SYBU: variants seen among roughly 807,000 people sequenced by gnomAD.
SYBU encodes the protein syntabulin, also known as GOLSYN A protein.
SYBU carries 21 observed loss-of-function variants against 35.9 expected under a neutral mutation model. That is an observed-to-expected ratio of 0.58 (90% CI 0.41 to 0.84). The LOEUF (loss-of-function observed/expected upper bound fraction) is 0.84. Among genes scored for constraint, SYBU ranks in the 40% least tolerant of loss-of-function variants. SYBU has a pLI of 0.00. For synonymous variants in SYBU, 319 were observed against 324.3 expected (o/e 0.98, Z 0.18); for missense variants, 768 against 848.2 (o/e 0.91, Z 1.17).
intron 1 of SYBU, among the ~76,000 whole-genome samples, chr8:109,677,110 G>C (rs1355305731): frequency 1.3e-5 from 2 of 152,026 alleles, no homozygotes; most frequent in African/African-American, 4.8e-5. Flanking sequence ...TTGTTGGATA[G>C]AGGCGAGTGT....
At position 109,691,451 on chromosome 8, in the gene SYBU, G is replaced by A. The variant is rs976399327; in HGVS notation, c.-176C>T. On this transcript the variant is annotated 5_prime_UTR_variant, in exon 1 of 8. Coordinates refer to the SYBU transcript ENST00000422135. This position sits in a 1 kb window ranked among gnomAD's most constrained non-coding sequence, Gnocchi z 4.7. Reference sequence around the variant, plus strand: ...GCGGACGGGACCCCGCGTCGCTGCTGGTTTGCGCTCAGGCCCGGGGAGCCG... The same window carrying A: ...GCGGACGGGACCCCGCGTCGCTGCTAGTTTGCGCTCAGGCCCGGGGAGCCG... 3.1e-6 allele frequency: 2 copies of A among 643,746 alleles called. No individual in the cohort carries two copies. Among genetic ancestry groups the A allele is most frequent in the Non-Finnish European group, 5.5e-6 (2 of 361,474 alleles). The allele number at this position is 643,746 out of a possible 1,614,324, so 39.9% of individuals were successfully genotyped here.
intron 4 of SYBU, chr8:109,580,468 T>C (rs1004650432): frequency 3.1e-5 from 5 of 163,898 alleles, no homozygotes; most frequent in African/African-American, 9.6e-5. Flanking sequence ...TGGTACCCCA[T>C]ACAGGAGGAG....
chr8:109,577,793 T>A lies in SYBU; in HGVS notation c.884+75A>T, dbSNP rs114725584. 1.5e-3 allele frequency: 2,157 copies of A among 1,407,850 alleles called. 28 individuals carry two copies. The African/African-American group carries it at 0.027, about 18-fold the overall frequency. The allele number at this position is 1,407,850 out of a possible 1,614,324, so 87.2% of individuals were successfully genotyped here. On this transcript the variant is annotated intron_variant, in intron 6 of 6. Transcript: ENST00000276646. ...TCATTTTTTCTTTTCTATCTTTCTA[T>A]AGTTTGGGTTCATATTTCATTTTAT...
At chr8:109,687,701 T>C (rs555846917) in intron 1 of SYBU, among the ~76,000 whole-genome samples, 1 of 152,314 alleles carries the variant, frequency 6.6e-6, no homozygotes, top group South Asian at 2.1e-4. Context: ...TTTTTTCTCT[T>C]ATTACAGATA....
intron 1 of SYBU, among the ~76,000 whole-genome samples, chr8:109,688,658 T>A (rs1233288076): frequency 6.6e-6 from 1 of 151,798 alleles, no homozygotes; most frequent in Non-Finnish European, 1.5e-5. Context: ...TTCTATCCTA[T>A]CCCGTCTATC....
intron 2 of SYBU, among the ~76,000 whole-genome samples, chr8:109,641,565 A>G (rs192794560): frequency 3.5e-4 from 54 of 152,366 alleles, no homozygotes; most frequent in Non-Finnish European, 1.0e-4. Context: ...CAGATCACAA[A>G]GCCTGGGCTC....
intron 1 of SYBU, among the ~76,000 whole-genome samples, chr8:109,662,873 T>C (rs1208161774): frequency 6.6e-6 from 1 of 152,180 alleles, no homozygotes; most frequent in Non-Finnish European, 1.5e-5. Flanking sequence ...AACCAGATCA[T>C]GAACCTGAAG....
chr8:109,586,473 G>A (rs1037847320), intron 3 of SYBU: 15 of 289,532 alleles, frequency 5.2e-5, no homozygotes, highest in African/African-American at 3.2e-4. Context: ...CGTATGTGAG[G>A]CTCTCACTCC....
intron 1 of SYBU, among the ~76,000 whole-genome samples, chr8:109,655,881 G>A (rs777718637): frequency 3.3e-5 from 5 of 152,154 alleles, no homozygotes; most frequent in African/African-American, 9.7e-5. Context: ...TTGGGAGGCC[G>A]AGGTGGGCAG....
At chr8:109,598,818 G>A (rs543237786) in intron 3 of SYBU, among the ~76,000 whole-genome samples, 52 of 152,356 alleles carry the variant, frequency 3.4e-4, no homozygotes, top group Non-Finnish European at 6.9e-4. Flanking sequence ...CCTGTTCAAA[G>A]TGCCTTACAG....
chr8:109,645,784 CG>C (rs1815632932), upstream of SYBU: 1 of 173,394 alleles, frequency 5.8e-6, no homozygotes, highest in African/African-American at 2.4e-5. Flanking sequence ...GAATTACATG[CG>C]GATGCCATTG....
chr8:109,623,621 A>G (rs905481445), intron 2 of SYBU, among the ~76,000 whole-genome samples: 3 of 152,216 alleles, frequency 2.0e-5, no homozygotes, highest in Admixed American at 1.3e-4. Flanking sequence ...TTAAAAATCT[A>G]TATTTCCTCT....
At chr8:109,648,581 A>C (rs1231991555), upstream of SYBU, 3 of 152,100 alleles carry the variant, frequency 2.0e-5, no homozygotes, top group Non-Finnish European at 1.5e-5. Context: ...CTAGACTGCA[A>C]ACTTCACAGA....
intron 3 of SYBU, among the ~76,000 whole-genome samples, chr8:109,594,410 A>G (rs1824627642): frequency 6.6e-6 from 1 of 152,196 alleles, no homozygotes; most frequent in Admixed American, 6.5e-5. Flanking sequence ...TTGCAATTCT[A>G]GACCACAAAT....
intron 4 of SYBU, among the ~76,000 whole-genome samples, chr8:109,582,599 C>G (rs1027128742): frequency 6.6e-6 from 1 of 152,144 alleles, no homozygotes; most frequent in African/African-American, 2.4e-5. Flanking sequence ...ATGAGTGACT[C>G]AGGTGAATTT....
intron 1 of SYBU, among the ~76,000 whole-genome samples, chr8:109,673,198 C>T (rs539497483): frequency 2.0e-5 from 3 of 152,290 alleles, no homozygotes; most frequent in Non-Finnish European, 2.9e-5. Flanking sequence ...GACAGACTGC[C>T]TCCTCAAGTG....
chr8:109,642,933 C>T lies in SYBU; in HGVS notation c.25-1G>A. 2 of 1,474,824 alleles carry T rather than the reference C, an allele frequency of 1.4e-6. No individual in the cohort carries two copies. The highest frequency in any genetic ancestry group is 1.8e-6 in the Non-Finnish European group (2 of 1,107,586). 91.4% of individuals were successfully genotyped at this position (1,474,824 alleles called of 1,614,324 possible). ...CATGATGCTGCACTCTGTGCTCCTT[C>T]TCAAAATTGGACATCAAAAAAGAAA... On this transcript the variant is annotated splice_acceptor_variant, in intron 1 of 6. Transcript: ENST00000276646. LOFTEE classifies it high-confidence loss of function.
rs73700657 is a variant in SYBU at position 109,582,263 on chromosome 8, G to C, written c.531-2261C>G. On this transcript the variant is annotated intron_variant, in intron 4 of 6. Transcript: ENST00000276646. ...ATAAATTATCAGACAGTTTGTAAGA[G>C]CTAACTTTTTAAAAAGAAGCAACAT... 7.3e-3 allele frequency among the ~76,000 whole-genome samples: 1,118 copies of C among 152,258 alleles called. 24 individuals are homozygous for C. Among genetic ancestry groups the C allele is most frequent in the African/African-American group, 0.026 (1,071 of 41,540 alleles).
At chr8:109,576,053 A>AC in intron 6 of SYBU, 40 bp from the exon 7 acceptor site, 6 of 1,493,642 alleles carry the variant, frequency 4.0e-6, no homozygotes, top group Non-Finnish European at 5.3e-6. Context: ...AAAAAAAAAA[A>AC]AAAAAAAAAA....
Sources: allele counts gnomAD v4.1 joint callset (sites outside exome capture counted in the v4.1 genomes callset), GRCh38; gene constraint gnomAD v4.1.1; non-coding constraint Gnocchi (gnomAD v3.1); transcripts MANE v1.5; gene names NCBI Gene and HGNC (gene_info 2026-07-23, HGNC 2026-07-21).